Variants in PDILT observed in about 807,000 individuals in gnomAD.
PDILT encodes protein disulfide isomerase like, testis expressed, also known as protein disulfide-isomerase-like protein of the testis.
PDILT carries 43 observed loss-of-function variants against 53.7 expected under a neutral mutation model. The observed-to-expected ratio is 0.80, with a 90% confidence interval of 0.63 to 1.03. The LOEUF (loss-of-function observed/expected upper bound fraction) is 1.03, where lower values mean the gene tolerates loss of function less well. Among genes scored for constraint, PDILT ranks in the 50% least tolerant of loss-of-function variants. The probability of loss-of-function intolerance (pLI) is 0.00; values close to 1 mark genes in which losing one functional copy is unlikely to be tolerated. For synonymous variants in PDILT, 282 were observed against 274.2 expected, an observed-to-expected ratio of 1.03 and a Z score of -0.28; for missense variants, 727 against 712.3, an observed-to-expected ratio of 1.02 and a Z score of -0.24.
At chr16:20,366,404 AC>A in intron 8 of PDILT, among the ~76,000 whole-genome samples, 1 of 151,782 alleles carries the variant, frequency 6.6e-6, no homozygotes, top group East Asian at 1.9e-4. Context: ...GACTTCCTTG[AC>A]CCTCCCCGCA....
At chr16:20,370,330 T>C (rs1966285689) in intron 7 of PDILT, among the ~76,000 whole-genome samples, 1 of 152,008 alleles carries the variant, frequency 6.6e-6, no homozygotes, top group African/African-American at 2.4e-5. Context: ...CAAACAGCAA[T>C]GAGTGCCAGT....
chr16:20,372,531 C>T (rs1966321549), intron 7 of PDILT, among the ~76,000 whole-genome samples: 2 of 152,172 alleles, frequency 1.3e-5, no homozygotes, highest in Non-Finnish European at 2.9e-5. Flanking sequence ...CCTTCATGTT[C>T]TCAGAGTAGA....
rs1966087409 is a variant in PDILT, at chr16:20,360,671, G to C, written c.1417-14C>G. 1.9e-6 allele frequency: 3 copies of C among 1,587,872 alleles called. No individual in the cohort carries two copies. Among genetic ancestry groups the C allele is most frequent in the East Asian group, 2.2e-5 (1 of 44,772 alleles). On this transcript the variant is annotated splice_polypyrimidine_tract_variant and intron_variant, in intron 10 of 11. Transcript: ENST00000302451. ...ATACAGGACAGCCTAGGATGAAAAT[G>C]GAACAGGGTCAGGATGGGATCCTCT...
rs760760619 is a variant in PDILT, at chr16:20,376,204, G to A, written c.410-3C>T. 6.2e-6 allele frequency: 10 copies of A among 1,613,874 alleles called. No homozygotes were observed. The South Asian group carries it at 8.8e-5, about 14-fold the overall frequency. On this transcript the variant is annotated splice_region_variant and splice_polypyrimidine_tract_variant and intron_variant, in intron 3 of 11. Coordinates refer to ENST00000302451, the MANE Select transcript of PDILT (RefSeq NM_174924.2). ...TAAGGCAGCAGATTCAACCACTCCT[G>A]GAGAAAGACACAGTCAAATAGATAC...
intron 3 of PDILT, among the ~76,000 whole-genome samples, chr16:20,382,161 A>G (rs1966469514): frequency 6.6e-6 from 1 of 152,234 alleles, no homozygotes; most frequent in East Asian, 1.9e-4. Context: ...AGCCTCCCAG[A>G]GTGTTGGGAT....
chr16:20,380,200 A>T (rs985533284), intron 3 of PDILT, among the ~76,000 whole-genome samples: 2 of 152,048 alleles, frequency 1.3e-5, no homozygotes, highest in Non-Finnish European at 2.9e-5. Context: ...GTCCCTCCTG[A>T]TGGGCTGCCC....
At chr16:20,384,330 CT>C (rs1966501654) in intron 3 of PDILT, among the ~76,000 whole-genome samples, 1 of 152,190 alleles carries the variant, frequency 6.6e-6, no homozygotes, top group African/African-American at 2.4e-5. Flanking sequence ...ATTTCTCCGC[CT>C]TTCTTGCAGC....
At position 20,366,958 on chromosome 16, in the gene PDILT, TCC is replaced by T. The variant is rs1567320269; in HGVS notation, c.1117-1420_1117-1419del. Among the ~76,000 whole-genome samples the T allele has an allele frequency of 7.4e-4, 104 of 140,714 alleles. 3 individuals carry two copies. The highest frequency in any genetic ancestry group is 2.2e-3 in the African/African-American group (81 of 36,580). The allele number at this position is 140,714 out of a possible 152,430, so 92.3% of individuals were successfully genotyped here. A position where few individuals can be genotyped will look rare whatever the true frequency, so the allele number is the denominator to read the frequency against. On this transcript the variant is annotated intron_variant, in intron 8 of 11. Transcript: ENST00000302451. ...TTCTTTCCTTCCTTCCTTCCTTCCT[TCC>T]TTCCTTCCTTCCTTCCTTCCTTCCT...
At chr16:20,384,531 A>C in intron 3 of PDILT, 114 bp downstream of exon 3, 1 of 1,268,656 alleles carries the variant, frequency 7.9e-7, no homozygotes, top group African/African-American at 1.5e-5. Context: ...CACAAGCTGG[A>C]GGATCCTGGG....
chr16:20,385,764 T>C (rs1447733137), intron 2 of PDILT, among the ~76,000 whole-genome samples: 2 of 152,114 alleles, frequency 1.3e-5, no homozygotes, highest in Admixed American at 1.3e-4. Flanking sequence ...AACCACTCAA[T>C]AGCATAGACA....
chr16:20,385,917 A>C (rs140070338), intron 2 of PDILT: 8 of 152,218 alleles, frequency 5.3e-5, no homozygotes, highest in South Asian at 4.1e-4. Context: ...GAAGCATGAG[A>C]GCTCATGAGC....
chr16:20,359,296 C>G lies in PDILT; in HGVS notation c.*23G>C. ...ATGCCAGGATCTGGAAAATAAGCAT[C>G]TTTTTTCCTGGTATTGGAGAAGCTA... On this transcript the variant is annotated 3_prime_UTR_variant, in exon 12 of 12. Coordinates refer to ENST00000302451, the MANE Select transcript of PDILT (RefSeq NM_174924.2). The G allele has an allele frequency of 6.2e-7, 1 of 1,602,252 alleles. No individual in the cohort carries two copies. The highest frequency in any genetic ancestry group is 8.5e-7 in the Non-Finnish European group (1 of 1,174,158).
intron 9 of PDILT, among the ~76,000 whole-genome samples, chr16:20,363,522 G>A (rs1287726984): frequency 6.6e-6 from 1 of 151,870 alleles, no homozygotes; most frequent in African/African-American, 2.4e-5. Context: ...ACAGCACACG[G>A]GGGTTTTCAC....
rs1009924026 is a variant in PDILT, at chr16:20,375,780, C to T, written c.543+288G>A. On this transcript the variant is annotated intron_variant, in intron 4 of 11. Coordinates refer to ENST00000302451, the MANE Select transcript of PDILT (RefSeq NM_174924.2). Reference sequence around the variant, plus strand: ...TGGTGGCCTTCAGATTCATAGAGAACAATGGCTCTGAAACCAGAAACTAAG... The same window carrying T: ...TGGTGGCCTTCAGATTCATAGAGAATAATGGCTCTGAAACCAGAAACTAAG... Among the ~76,000 whole-genome samples the T allele has an allele frequency of 8.7e-5, 13 of 149,268 alleles. No homozygotes were observed. The South Asian group carries it at 2.5e-3, about 29-fold the overall frequency.
At position 20,399,186 on chromosome 16, in the gene PDILT, T is replaced by A. The variant is rs766803129; in HGVS notation, c.115A>T (p.Ile39Phe). The A allele has an allele frequency of 8.1e-6, 13 of 1,614,056 alleles. No homozygotes were observed. In the South Asian group the frequency reaches 1.3e-4, roughly 16 times the overall value. The change falls in exon 2 of 12, where the codon ATC (isoleucine) becomes TTC (phenylalanine). Residue 39 changes from isoleucine to phenylalanine, a missense_variant. Ile to Phe is a conservative substitution (Grantham distance 21, BLOSUM62 0). Transcript: ENST00000302451. ...SSIHITKPVH[I>F]LEERSLLVLT... is the part of the protein sequence containing the mutation. ...ACTAGGAGACTGCGTTCCTCCAGGA[T>A]GTGCACAGGCTTGGTTATGTGGATG...
At chr16:20,400,819 G>C (rs994776358) in intron 1 of PDILT, among the ~76,000 whole-genome samples, 9 of 152,040 alleles carry the variant, frequency 5.9e-5, no homozygotes, top group Admixed American at 5.2e-4. Flanking sequence ...AAAAGGTAAG[G>C]ATTTTTCAAA....
At chr16:20,400,047 T>TATC (rs1320219719) in intron 1 of PDILT, among the ~76,000 whole-genome samples, 1 of 123,338 alleles carries the variant, frequency 8.1e-6, no homozygotes, top group Non-Finnish European at 1.6e-5. Context: ...TCTATCTATC[T>TATC]ATCTATCTAT....
At chr16:20,383,796 T>C (rs1044651545) in intron 3 of PDILT, among the ~76,000 whole-genome samples, 24 of 152,298 alleles carry the variant, frequency 1.6e-4, no homozygotes, top group African/African-American at 5.8e-4. Flanking sequence ...TCATCAGTTT[T>C]GTTACTTCCA....
intron 4 of PDILT, among the ~76,000 whole-genome samples, chr16:20,375,781 A>G (rs1020857159): frequency 6.7e-6 from 1 of 149,304 alleles, no homozygotes; most frequent in African/African-American, 2.6e-5. Context: ...CATAGAGAAC[A>G]ATGGCTCTGA....
Sources: gnomAD v4.1 joint callset for allele counts (sites outside exome capture counted in the v4.1 genomes callset) on GRCh38, gnomAD v4.1.1 for gene constraint, MANE v1.5 for transcripts, NCBI Gene and HGNC (gene_info 2026-07-23, HGNC 2026-07-21) for gene names.